The following HS3ST3A1 variants were observed in gnomAD, a reference collection of about 807,000 sequenced individuals.
HS3ST3A1 encodes the protein heparan sulfate-glucosamine 3-sulfotransferase 3A1.
A neutral mutation model predicts 25.7 loss-of-function variants in HS3ST3A1; 19 were observed. The ratio of observed to expected loss-of-function variants is 0.74; its 90% CI spans 0.52 to 1.08. The LOEUF is 1.08. HS3ST3A1 is among the 50% of genes least tolerant of loss of function. HS3ST3A1 has a pLI of 0.00. For synonymous variants in HS3ST3A1, 226 were observed against 278.6 expected, an observed-to-expected ratio of 0.81 and a Z score of 1.88; for missense variants, 459 against 594.3, an observed-to-expected ratio of 0.77 and a Z score of 2.37.
intron 1 of HS3ST3A1, among the ~76,000 whole-genome samples, chr17:13,535,132 C>G (rs899711121): frequency 6.6e-6 from 1 of 152,174 alleles, no homozygotes; most frequent in Non-Finnish European, 1.5e-5. Flanking sequence ...AGTTTCTGGT[C>G]ACATTTTGTC....
chr17:13,589,368 A>G (rs1908359523), intron 1 of HS3ST3A1, among the ~76,000 whole-genome samples: 2 of 152,202 alleles, frequency 1.3e-5, no homozygotes, highest in African/African-American at 2.4e-5. Context: ...CAGAATTGTC[A>G]TCACAAGCTT....
chr17:13,523,262 G>A (rs1906305516), intron 1 of HS3ST3A1, among the ~76,000 whole-genome samples: 1 of 152,172 alleles, frequency 6.6e-6, no homozygotes, highest in South Asian at 2.1e-4. Context: ...TGTGGAAAGT[G>A]GGTGAAATAA....
chr17:13,572,847 T>C (rs1907854584), intron 1 of HS3ST3A1, among the ~76,000 whole-genome samples: 3 of 152,174 alleles, frequency 2.0e-5, no homozygotes, highest in African/African-American at 7.2e-5. Context: ...CTGTTAGGGA[T>C]ATGGGAGGCA....
At chr17:13,512,617 C>T (rs1250516876) in intron 1 of HS3ST3A1, among the ~76,000 whole-genome samples, 1 of 152,146 alleles carries the variant, frequency 6.6e-6, no homozygotes, top group South Asian at 2.1e-4. Context: ...ACAGAGATCA[C>T]GTGGCCTGCA....
chr17:13,569,406 G>T (rs1358023286), intron 1 of HS3ST3A1, among the ~76,000 whole-genome samples: 1 of 152,174 alleles, frequency 6.6e-6, no homozygotes, highest in African/African-American at 2.4e-5. Context: ...GATAATTAAA[G>T]ATTTTAATTA....
intron 1 of HS3ST3A1, among the ~76,000 whole-genome samples, chr17:13,570,397 T>G (rs1907771208): frequency 6.6e-6 from 1 of 152,244 alleles, no homozygotes; most frequent in Non-Finnish European, 1.5e-5. Context: ...ATAAAGGTAA[T>G]AATATCACCT....
At chr17:13,551,273 T>C (rs1598423904) in intron 1 of HS3ST3A1, among the ~76,000 whole-genome samples, 2 of 150,076 alleles carry the variant, frequency 1.3e-5, no homozygotes, top group Middle Eastern at 3.5e-3. Flanking sequence ...CGCTTGAACC[T>C]GGGAGGCAGA....
chr17:13,534,315 C>A (rs79020659), intron 1 of HS3ST3A1, among the ~76,000 whole-genome samples: 6,957 of 151,988 alleles, frequency 0.046, 206 homozygotes, highest in African/African-American at 0.084. Flanking sequence ...GATAGGATAC[C>A]TTTTATTGTA....
At chr17:13,521,721 C>T (rs1016284205) in intron 1 of HS3ST3A1, among the ~76,000 whole-genome samples, 1 of 152,142 alleles carries the variant, frequency 6.6e-6, no homozygotes, top group Non-Finnish European at 1.5e-5. Flanking sequence ...TCTAATTATT[C>T]CTCTTAGAAG....
intron 1 of HS3ST3A1, among the ~76,000 whole-genome samples, chr17:13,501,715 A>G (rs1166065918): frequency 1.3e-5 from 2 of 152,212 alleles, no homozygotes; most frequent in Non-Finnish European, 2.9e-5. Context: ...CAACATGGCC[A>G]TTATTACTAC....
At chr17:13,539,536 C>A (rs142143054) in intron 1 of HS3ST3A1, among the ~76,000 whole-genome samples, 1 of 152,256 alleles carries the variant, frequency 6.6e-6, no homozygotes, top group South Asian at 2.1e-4. Context: ...AACATCACTG[C>A]GTGTTTGTTA....
chr17:13,525,018 T>G (rs1906365728), intron 1 of HS3ST3A1, among the ~76,000 whole-genome samples: 1 of 152,224 alleles, frequency 6.6e-6, no homozygotes, highest in African/African-American at 2.4e-5. Context: ...TGCCTGATGC[T>G]AATTTTGTTA....
At chr17:13,499,467 C>T (rs1460549367) in intron 1 of HS3ST3A1, among the ~76,000 whole-genome samples, 1 of 152,042 alleles carries the variant, frequency 6.6e-6, no homozygotes, top group Non-Finnish European at 1.5e-5. Flanking sequence ...TTTGAAAAAG[C>T]CATCATTACT....
intron 1 of HS3ST3A1, among the ~76,000 whole-genome samples, chr17:13,528,112 A>G (rs765382113): frequency 6.6e-6 from 1 of 152,172 alleles, no homozygotes; most frequent in Non-Finnish European, 1.5e-5. Flanking sequence ...TTCAGAATGG[A>G]TCATACAGTC....
rs970465427 is a variant in HS3ST3A1, at chr17:13,601,209, G to C, written c.-80C>G. 8.9e-7 allele frequency: 1 copy of C among 1,125,074 alleles called. No homozygotes were observed. The highest frequency in any genetic ancestry group is 1.7e-5 in the African/African-American group (1 of 60,170). The allele number at this position is 1,125,074 out of a possible 1,614,324, so 69.7% of individuals were successfully genotyped here. On this transcript the variant is annotated 5_prime_UTR_variant, in exon 1 of 2. Transcript: ENST00000284110. Reference sequence around the variant, plus strand: ...ACAGGTGCCAGAGCATCCCCCCGGCGGGCCAGCGCGCTGGACGGAGGCCAC... The same window carrying C: ...ACAGGTGCCAGAGCATCCCCCCGGCCGGCCAGCGCGCTGGACGGAGGCCAC...
intron 1 of HS3ST3A1, among the ~76,000 whole-genome samples, chr17:13,509,903 T>G (rs561845196): frequency 6.6e-6 from 1 of 152,350 alleles, no homozygotes; most frequent in South Asian, 2.1e-4. Context: ...TGTTACATTA[T>G]TCTGCCTGAA....
intron 1 of HS3ST3A1, among the ~76,000 whole-genome samples, chr17:13,548,671 T>C (rs995594695): frequency 6.6e-6 from 1 of 152,184 alleles, no homozygotes; most frequent in African/African-American, 2.4e-5. Context: ...TCTGTCTAGC[T>C]AAAGGATTGT....
chr17:13,533,122 G>A (rs1465973782), intron 1 of HS3ST3A1, among the ~76,000 whole-genome samples: 1 of 152,038 alleles, frequency 6.6e-6, no homozygotes, highest in African/African-American at 2.4e-5. Context: ...CAAGATTGTG[G>A]AGGAGGGGGG....
intron 1 of HS3ST3A1, among the ~76,000 whole-genome samples, chr17:13,497,104 A>C (rs1261946353): frequency 2.6e-5 from 4 of 152,218 alleles, no homozygotes; most frequent in Admixed American, 2.6e-4. Context: ...TGCCACGTTA[A>C]GTTTCTGTGT....
Sources: allele counts gnomAD v4.1 joint callset (sites outside exome capture counted in the v4.1 genomes callset), GRCh38; gene constraint gnomAD v4.1.1; transcripts MANE v1.5; gene names NCBI Gene and HGNC (gene_info 2026-07-23, HGNC 2026-07-21).